Variants in PDE3A observed in about 807,000 individuals in gnomAD.
PDE3A encodes the protein cGMP-inhibited 3',5'-cyclic phosphodiesterase 3A.
Under a neutral mutation model 98.3 loss-of-function variants are expected in PDE3A, and 43 were observed. The ratio of observed to expected loss-of-function variants is 0.44; its 90% confidence interval spans 0.34 to 0.56. The LOEUF is 0.56. PDE3A is among the 20% of genes least tolerant of loss of function. PDE3A has a pLI of 0.01. For synonymous variants in PDE3A, 663 were observed against 567.9 expected (o/e 1.17, Z -2.38); for missense variants, 1,427 against 1,440.7 (o/e 0.99, Z 0.15).
chr12:20,431,102 C>T (rs987647399), intron 1 of PDE3A, among the ~76,000 whole-genome samples: 4 of 151,920 alleles, frequency 2.6e-5, no homozygotes, highest in Admixed American at 1.3e-4. Context: ...TATTATCTGC[C>T]CGTCTTTATT....
chr12:20,476,961 G>T (rs1325767052), intron 1 of PDE3A, among the ~76,000 whole-genome samples: 1 of 152,124 alleles, frequency 6.6e-6, no homozygotes, highest in Non-Finnish European at 1.5e-5. Context: ...TGTCTAACAG[G>T]ATTACTGTTG....
chr12:20,625,083 T>C (rs1406528392), intron 5 of PDE3A, among the ~76,000 whole-genome samples: 4 of 152,140 alleles, frequency 2.6e-5, no homozygotes. Flanking sequence ...GCTAATGAAA[T>C]CTGTTCTTTG....
chr12:20,625,002 G>T (rs1244131431), intron 5 of PDE3A, among the ~76,000 whole-genome samples: 1 of 152,196 alleles, frequency 6.6e-6, no homozygotes, highest in Non-Finnish European at 1.5e-5. Flanking sequence ...AATAGGCAAT[G>T]AGGCGGAGGG....
intron 2 of PDE3A, among the ~76,000 whole-genome samples, chr12:20,581,830 T>A (rs898980955): frequency 6.6e-6 from 1 of 151,972 alleles, no homozygotes; most frequent in Non-Finnish European, 1.5e-5. Flanking sequence ...GCCGGGATGG[T>A]CTCGATCTCC....
intron 1 of PDE3A, among the ~76,000 whole-genome samples, chr12:20,420,399 A>T (rs73239518): frequency 0.022 from 3,301 of 152,252 alleles, 113 homozygotes; most frequent in African/African-American, 0.075. Context: ...TTTTTAACAC[A>T]AGAATGGTCT....
intron 1 of PDE3A, among the ~76,000 whole-genome samples, chr12:20,543,260 G>GT (rs63600561): frequency 0.56 from 82,693 of 148,610 alleles, 24,058 homozygotes; most frequent in South Asian, 0.71. Context: ...TGGTTTGTTT[G>GT]TTTTTTTTTT....
chr12:20,577,463 A>T (rs2121330678), intron 2 of PDE3A, among the ~76,000 whole-genome samples: 1 of 152,322 alleles, frequency 6.6e-6, no homozygotes, highest in South Asian at 2.1e-4. Context: ...AGTGTTATTG[A>T]ACTGTCAATA....
At chr12:20,561,096 A>T (rs1328158019) in intron 2 of PDE3A, among the ~76,000 whole-genome samples, 5 of 137,792 alleles carry the variant, frequency 3.6e-5, no homozygotes, top group African/African-American at 9.5e-5. Context: ...CCCCACTTCT[A>T]CTAAAGATAC....
At chr12:20,407,816 A>T (rs1350377643) in intron 1 of PDE3A, among the ~76,000 whole-genome samples, 4 of 152,244 alleles carry the variant, frequency 2.6e-5, no homozygotes, top group African/African-American at 9.6e-5. Flanking sequence ...GACTACATGA[A>T]GAAAAGCAAC....
chr12:20,373,652 C>T (rs1392370403), intron 1 of PDE3A, among the ~76,000 whole-genome samples: 1 of 151,972 alleles, frequency 6.6e-6, no homozygotes, highest in Non-Finnish European at 1.5e-5. Flanking sequence ...ATATTTTTAC[C>T]TGTGGTTTCA....
chr12:20,380,187 G>A (rs1004895493), intron 1 of PDE3A, among the ~76,000 whole-genome samples: 3 of 151,826 alleles, frequency 2.0e-5, no homozygotes, highest in Non-Finnish European at 4.4e-5. Flanking sequence ...AAAGTCTAAT[G>A]TAAAGCAAAT....
At chr12:20,654,483 G>T (rs1944993766) in intron 15 of PDE3A, among the ~76,000 whole-genome samples, 2 of 124,490 alleles carry the variant, frequency 1.6e-5, no homozygotes, top group South Asian at 3.0e-4. Context: ...ATTCTTCAGG[G>T]TATCTGGTTT....
At chr12:20,595,977 A>G (rs1943457546) in intron 2 of PDE3A, among the ~76,000 whole-genome samples, 1 of 152,174 alleles carries the variant, frequency 6.6e-6, no homozygotes, top group Non-Finnish European at 1.5e-5. Context: ...TTTTCAGAAA[A>G]AAACATATTT....
chr12:20,674,963 C>T (rs1945595242), intron 15 of PDE3A, among the ~76,000 whole-genome samples: 1 of 151,636 alleles, frequency 6.6e-6, no homozygotes, highest in Admixed American at 6.6e-5. Flanking sequence ...TTTATTATTT[C>T]TTTTATTCTA....
chr12:20,582,274 A>G (rs889095641), intron 2 of PDE3A, among the ~76,000 whole-genome samples: 4 of 152,054 alleles, frequency 2.6e-5, no homozygotes, highest in African/African-American at 9.7e-5. Flanking sequence ...GCTCACTGCA[A>G]CCTCTGCCTC....
intron 15 of PDE3A, among the ~76,000 whole-genome samples, chr12:20,665,955 ATTTC>A (rs1565469179): frequency 7.3e-5 from 9 of 123,422 alleles, no homozygotes; most frequent in Admixed American, 2.5e-4. Context: ...AGTATTTGTC[ATTTC>A]TTTTTTTTTT....
intron 1 of PDE3A, among the ~76,000 whole-genome samples, chr12:20,400,697 C>T (rs1944114692): frequency 6.6e-6 from 1 of 152,106 alleles, no homozygotes; most frequent in Non-Finnish European, 1.5e-5. Flanking sequence ...GGATTATAGG[C>T]GTGAGCCACT....
Position 20,510,751 on chromosome 12 carries a change from G to C in PDE3A, c.961-45909G>C, listed in dbSNP as rs572441283. On this transcript the variant is annotated intron_variant, in intron 1 of 15. Transcript: ENST00000359062. ...GTGCAGGTAGATTTGTAGGTAGGAG[G>C]GCCTGAAGTTGAGGAAGATTCCATA... Among the ~76,000 whole-genome samples, 17 of 152,054 alleles carry C rather than the reference G, an allele frequency of 1.1e-4. No homozygotes were observed. The South Asian group carries it at 2.3e-3, about 20-fold the overall frequency.
At chr12:20,639,540 T>C (rs1036903814) in intron 9 of PDE3A, among the ~76,000 whole-genome samples, 2 of 152,086 alleles carry the variant, frequency 1.3e-5, no homozygotes, top group Non-Finnish European at 2.9e-5. Context: ...TAGTGAGACT[T>C]TAGGACAGCT....
Sources: allele counts gnomAD v4.1 joint callset (sites outside exome capture counted in the v4.1 genomes callset), GRCh38; gene constraint gnomAD v4.1.1; transcripts MANE v1.5; gene names NCBI Gene and HGNC (gene_info 2026-07-23, HGNC 2026-07-21).